The following NALF1 variants were observed in gnomAD, a reference collection of about 807,000 sequenced individuals.
NALF1 encodes the protein NALCN channel auxiliary factor 1, also known as family with sequence similarity 155 member A.
NALF1 carries 3 observed loss-of-function variants against 48.4 expected under a neutral mutation model. The observed-to-expected ratio is 0.06, with a 90% CI of 0.03 to 0.16. NALF1 has a LOEUF of 0.16. Among genes scored for constraint, NALF1 ranks in the 10% least tolerant of loss-of-function variants. The probability of loss-of-function intolerance (pLI) is 1.00; values close to 1 mark genes in which losing one functional copy is unlikely to be tolerated. For synonymous variants in NALF1, 262 were observed against 245.7 expected (o/e 1.07, Z -0.62); for missense variants, 526 against 571.5 (o/e 0.92, Z 0.81).
chr13:107,341,670 T>C (rs1193241451), intron 1 of NALF1, among the ~76,000 whole-genome samples: 2 of 151,308 alleles, frequency 1.3e-5, no homozygotes, highest in Non-Finnish European at 2.9e-5. Flanking sequence ...TTGTTGTATA[T>C]ATGGGATATA....
rs1433281223 is a variant in NALF1, at chr13:107,307,573, T to C, written c.916-96818A>G. ...ATCTTGGCTCACTGCAACCTCCGCCTCCCGAGTTCAGGCGATTCTCCTGCC... is the reference window on the plus strand; with the variant it reads ...ATCTTGGCTCACTGCAACCTCCGCCCCCCGAGTTCAGGCGATTCTCCTGCC... On this transcript the variant is annotated intron_variant, in intron 1 of 2. Transcript: ENST00000375915. Among the ~76,000 whole-genome samples the C allele has an allele frequency of 2.1e-5, 3 of 145,352 alleles. No homozygotes were observed. In the East Asian group the frequency reaches 6.3e-4, roughly 30 times the overall value.
intron 1 of NALF1, among the ~76,000 whole-genome samples, chr13:107,248,229 A>G (rs1192276379): frequency 6.6e-6 from 1 of 152,112 alleles, no homozygotes; most frequent in Admixed American, 6.6e-5. Context: ...TAGGGCAAAA[A>G]AAAAGGAGAA....
chr13:107,625,138 T>G (rs147238548), intron 1 of NALF1, among the ~76,000 whole-genome samples: 162 of 152,242 alleles, frequency 1.1e-3, no homozygotes, highest in African/African-American at 3.8e-3. Flanking sequence ...TTCTTGCCTT[T>G]AAAGATTACA....
rs943936993 is a variant in NALF1 at position 107,867,143 on chromosome 13, CTCT to C, written c.-550_-548del. 5.3e-4 allele frequency among the ~76,000 whole-genome samples: 80 copies of C among 151,848 alleles called. 1 individual carries two copies. Among genetic ancestry groups the C allele is most frequent in the African/African-American group, 1.8e-3 (73 of 41,480 alleles). On this transcript the variant is annotated 5_prime_UTR_variant, in exon 1 of 3. Coordinates refer to ENST00000375915, the MANE Select transcript of NALF1 (RefSeq NM_001080396.3). This position sits in a 1 kb window ranked among gnomAD's most constrained non-coding sequence, Gnocchi z 4.4. ...GCCTCCCCTCCTCCTCCTCCTCCTC[CTCT>C]TCTTCTCCTCCTCTTCCTCCTCCTT...
chr13:107,194,347 A>C (rs1004746713), intron 2 of NALF1, among the ~76,000 whole-genome samples: 3 of 152,226 alleles, frequency 2.0e-5, no homozygotes, highest in African/African-American at 7.2e-5. Flanking sequence ...TATAGTTACC[A>C]AAACAGCATG....
At chr13:107,214,969 T>C (rs1393335272) in intron 1 of NALF1, among the ~76,000 whole-genome samples, 3 of 152,156 alleles carry the variant, frequency 2.0e-5, no homozygotes, top group South Asian at 2.1e-4. Context: ...GCCCAGTCCA[T>C]AGTTTTTTTC....
chr13:107,576,587 G>A (rs1878156063), intron 1 of NALF1, among the ~76,000 whole-genome samples: 1 of 152,146 alleles, frequency 6.6e-6, no homozygotes, highest in Non-Finnish European at 1.5e-5. Context: ...ACAGAGTCTT[G>A]CATGTGGGTC....
intron 1 of NALF1, among the ~76,000 whole-genome samples, chr13:107,742,361 A>C (rs1170240227): frequency 6.6e-6 from 1 of 152,108 alleles, no homozygotes; most frequent in East Asian, 1.9e-4. Flanking sequence ...TGTCATCTTG[A>C]ATTGTAGTTC....
intron 1 of NALF1, among the ~76,000 whole-genome samples, chr13:107,554,881 T>C (rs1367116960): frequency 3.3e-5 from 5 of 151,982 alleles, no homozygotes; most frequent in Non-Finnish European, 7.4e-5. Flanking sequence ...AGGGTATAAC[T>C]CCAGAGTACG....
chr13:107,843,517 A>C (rs1227909892), intron 1 of NALF1, among the ~76,000 whole-genome samples: 2 of 152,172 alleles, frequency 1.3e-5, no homozygotes, highest in African/African-American at 4.8e-5. Context: ...ACTTATCTGC[A>C]ATGCAGATGC....
At chr13:107,499,333 TATACA>T (rs1190730927) in intron 1 of NALF1, among the ~76,000 whole-genome samples, 1 of 152,138 alleles carries the variant, frequency 6.6e-6, no homozygotes, top group African/African-American at 2.4e-5. Context: ...AAAAGTTATA[TATACA>T]ATAAAGTTTT....
At chr13:107,205,501 G>A (rs1003268416) in intron 2 of NALF1, among the ~76,000 whole-genome samples, 1 of 152,012 alleles carries the variant, frequency 6.6e-6, no homozygotes, top group Admixed American at 6.6e-5. Flanking sequence ...CGCCACCAGG[G>A]GGCGCCCATC....
At chr13:107,439,234 T>C (rs1017683243) in intron 1 of NALF1, among the ~76,000 whole-genome samples, 2 of 152,200 alleles carry the variant, frequency 1.3e-5, no homozygotes, top group African/African-American at 4.8e-5. Flanking sequence ...AGAACCTCAG[T>C]CCTCATACTT....
At chr13:107,614,181 A>G (rs1161329566) in intron 1 of NALF1, among the ~76,000 whole-genome samples, 2 of 152,218 alleles carry the variant, frequency 1.3e-5, no homozygotes, top group Non-Finnish European at 2.9e-5. Flanking sequence ...AATCTCTCAT[A>G]TCACAGCAAG....
intron 1 of NALF1, among the ~76,000 whole-genome samples, chr13:107,235,376 T>C (rs1018044868): frequency 6.6e-6 from 1 of 152,018 alleles, no homozygotes; most frequent in African/African-American, 2.4e-5. Context: ...AGCCATTGCA[T>C]CCAAATGCAA....
At chr13:107,174,769 G>A (rs934654533) in intron 2 of NALF1, among the ~76,000 whole-genome samples, 2 of 152,130 alleles carry the variant, frequency 1.3e-5, no homozygotes, top group African/African-American at 4.8e-5. Context: ...GAAGCAGGAT[G>A]TGGCTGGGGG....
At chr13:107,329,933 C>T (rs1415969531) in intron 1 of NALF1, among the ~76,000 whole-genome samples, 1 of 152,108 alleles carries the variant, frequency 6.6e-6, no homozygotes, top group Non-Finnish European at 1.5e-5. Context: ...TAGACGATTT[C>T]TGTCCTCCCT....
intron 1 of NALF1, among the ~76,000 whole-genome samples, chr13:107,770,571 G>C (rs1308392717): frequency 1.3e-5 from 2 of 152,158 alleles, no homozygotes; most frequent in African/African-American, 4.8e-5. Flanking sequence ...CAAGTACCAT[G>C]GTTTCACAAG....
intron 1 of NALF1, among the ~76,000 whole-genome samples, chr13:107,739,164 T>C (rs555653717): frequency 3.3e-5 from 5 of 151,374 alleles, no homozygotes; most frequent in African/African-American, 1.2e-4. Flanking sequence ...TGTCAGGCGG[T>C]CAGGGGTAAG....
Sources: gnomAD v4.1 joint callset for allele counts (sites outside exome capture counted in the v4.1 genomes callset) on GRCh38, gnomAD v4.1.1 for gene constraint, Gnocchi (gnomAD v3.1) non-coding constraint, MANE v1.5 for transcripts, NCBI Gene and HGNC (gene_info 2026-07-23, HGNC 2026-07-21) for gene names.